OLFM1: variants seen among roughly 807,000 people sequenced by gnomAD.
OLFM1 encodes the protein noelin.
A neutral mutation model predicts 49.7 loss-of-function variants in OLFM1; 9 were observed. The ratio of observed to expected loss-of-function variants is 0.18; its 90% CI spans 0.11 to 0.32. The LOEUF (loss-of-function observed/expected upper bound fraction) is 0.32, where lower values mean the gene tolerates loss of function less well. Ranked by LOEUF, OLFM1 falls within the 10% of genes least tolerant of loss-of-function variation. OLFM1 has a pLI of 1.00. For missense variants in OLFM1, 369 were observed against 661.8 expected, an observed-to-expected ratio of 0.56 and a Z score of 4.85; for synonymous variants, 240 against 271.8, an observed-to-expected ratio of 0.88 and a Z score of 1.15.
At chr9:135,087,545 G>A (rs1830614375), upstream of OLFM1, 5 of 1,225,262 alleles carry the variant, frequency 4.1e-6, no homozygotes, top group African/African-American at 3.2e-5. Context: ...CCAGCAGCCA[G>A]GGGGCGGCGG....
At chr9:135,077,463 G>A (rs1830482183) in intron 1 of OLFM1, 2 of 474,646 alleles carry the variant, frequency 4.2e-6, no homozygotes, top group African/African-American at 1.9e-5. Context: ...TCAATTAGAA[G>A]CCTTGTCTCA....
chr9:135,085,246 AG>A (rs1830582729), upstream of OLFM1, among the ~76,000 whole-genome samples: 1 of 152,172 alleles, frequency 6.6e-6, no homozygotes, highest in African/African-American at 2.4e-5. Context: ...GTGGAAGGCA[AG>A]GGCCCATGAA....
In OLFM1 at chr9:135,087,680, C is replaced by A; in HGVS notation, c.-310C>A. 1 of 453,846 alleles carries A rather than the reference C, an allele frequency of 2.2e-6. No homozygotes were observed. Among genetic ancestry groups the A allele is most frequent in the Non-Finnish European group, 3.2e-6 (1 of 312,816 alleles). 28.1% of individuals were successfully genotyped at this position (453,846 alleles called of 1,614,324 possible). A position where few individuals can be genotyped will look rare whatever the true frequency, so the allele number is the denominator to read the frequency against. ...CCGCGCAGCGCTCAGAGCCGGACGGCGCTTCCCGGTGGCGGCGGAGGAGCC... is the reference window on the plus strand; with the variant it reads ...CCGCGCAGCGCTCAGAGCCGGACGGAGCTTCCCGGTGGCGGCGGAGGAGCC... On this transcript the variant is annotated 5_prime_UTR_variant, in exon 1 of 6. Transcript: ENST00000371793.
intron 1 of OLFM1, among the ~76,000 whole-genome samples, chr9:135,081,373 A>C (rs898355536): frequency 6.6e-6 from 1 of 152,196 alleles, no homozygotes; most frequent in Non-Finnish European, 1.5e-5. Flanking sequence ...CCTCTGTGGA[A>C]TGCACCACAG....
rs560907531 is a variant in OLFM1, at chr9:135,080,178, G to A, written c.96+4376G>A. Among the ~76,000 whole-genome samples the A allele has an allele frequency of 6.6e-5, 10 of 151,922 alleles. No homozygotes were observed. In the South Asian group the frequency reaches 1.3e-3, roughly 19 times the overall value. On this transcript the variant is annotated intron_variant, in intron 1 of 5. Transcript: ENST00000252854. The surrounding 1 kb of genome is among the most constrained non-coding windows in gnomAD (Gnocchi z 4.5). ...CTGAGCAAATCCAACAAGTAGAAAC[G>A]GCTAAACACTTTTACCTGCTGCAAC...
At chr9:135,090,668 A>G in intron 2 of OLFM1, among the ~76,000 whole-genome samples, 1 of 152,144 alleles carries the variant, frequency 6.6e-6, no homozygotes, top group Middle Eastern at 3.2e-3. Flanking sequence ...CTGAGAAGTC[A>G]CATGGGCATG....
chr9:135,109,642 GGTTT>G (rs984800122), intron 5 of OLFM1, among the ~76,000 whole-genome samples: 1 of 152,052 alleles, frequency 6.6e-6, no homozygotes, highest in Admixed American at 6.5e-5. Flanking sequence ...GGCCAGCCGT[GGTTT>G]GTTTGTTTTG....
intron 3 of OLFM1, among the ~76,000 whole-genome samples, chr9:135,097,585 C>A (rs910885296): frequency 1.1e-4 from 16 of 152,124 alleles, no homozygotes; most frequent in Non-Finnish European, 1.9e-4. Context: ...CTGTGCTAAA[C>A]CGCATTAAAA....
chr9:135,087,483 A>G (rs1226707033), upstream of OLFM1: 13 of 1,497,024 alleles, frequency 8.7e-6, no homozygotes, highest in African/African-American at 1.4e-4. Flanking sequence ...CCGTCTCCTC[A>G]TGTCACCCTG....
intron 4 of OLFM1, among the ~76,000 whole-genome samples, chr9:135,104,338 A>G (rs1830909894): frequency 6.6e-6 from 1 of 152,234 alleles, no homozygotes; most frequent in African/African-American, 2.4e-5. Context: ...AGAGGAGCCC[A>G]GCACTGACTT....
chr9:135,104,524 G>A (rs116230129), intron 4 of OLFM1, among the ~76,000 whole-genome samples: 3,148 of 152,318 alleles, frequency 0.021, 52 homozygotes, highest in African/African-American at 0.044. Context: ...GCCAGAGCCC[G>A]TGTGCGCTGC....
intron 5 of OLFM1, among the ~76,000 whole-genome samples, chr9:135,108,646 C>G (rs1283542700): frequency 6.7e-6 from 1 of 149,774 alleles, no homozygotes; most frequent in South Asian, 2.1e-4. Context: ...AAAAAAAAAA[C>G]AAAAAAAACA....
intron 1 of OLFM1, chr9:135,077,511 G>A: frequency 3.0e-6 from 1 of 331,822 alleles, no homozygotes; most frequent in Non-Finnish European, 5.4e-6. Context: ...GAAGGGTGCT[G>A]GACATCCGAA....
intron 3 of OLFM1, chr9:135,097,757 G>T: frequency 6.3e-7 from 1 of 1,595,094 alleles, no homozygotes; most frequent in African/African-American, 1.3e-5. Context: ...GTTCTTCAAC[G>T]GTATTTCATT....
At chr9:135,083,399 G>T (rs11103666), upstream of OLFM1, among the ~76,000 whole-genome samples, 1 of 152,070 alleles carries the variant, frequency 6.6e-6, no homozygotes, top group Admixed American at 6.5e-5. Context: ...AGGGTCTGGG[G>T]GGATGGGGGC....
chr9:135,087,040 C>A (rs572945), upstream of OLFM1, among the ~76,000 whole-genome samples: 58,164 of 152,130 alleles, frequency 0.38, 11,859 homozygotes, highest in African/African-American at 0.54. Flanking sequence ...CCCCAGCCCC[C>A]GCCTTGCTGT....
At chr9:135,093,425 A>G (rs1475220655) in intron 2 of OLFM1, among the ~76,000 whole-genome samples, 1 of 152,260 alleles carries the variant, frequency 6.6e-6, no homozygotes, top group Non-Finnish European at 1.5e-5. Context: ...CCCTATGTGT[A>G]AAATGGGACT....
chr9:135,085,482 A>G (rs1286555943), upstream of OLFM1, among the ~76,000 whole-genome samples: 1 of 152,254 alleles, frequency 6.6e-6, no homozygotes, highest in South Asian at 2.1e-4. Flanking sequence ...TTCCTCATCT[A>G]TACAGTGGAG....
intron 5 of OLFM1, among the ~76,000 whole-genome samples, chr9:135,114,217 T>C (rs1490166600): frequency 1.4e-5 from 2 of 142,166 alleles, no homozygotes; most frequent in Non-Finnish European, 3.0e-5. Flanking sequence ...CTCGGCTCAC[T>C]GCAAGTGATT....
Sources: allele counts gnomAD v4.1 joint callset (sites outside exome capture counted in the v4.1 genomes callset), GRCh38; gene constraint gnomAD v4.1.1; non-coding constraint Gnocchi (gnomAD v3.1); transcripts MANE v1.5; gene names NCBI Gene and HGNC (gene_info 2026-07-23, HGNC 2026-07-21).